FAM117B: variants seen among roughly 807,000 people sequenced by gnomAD.
FAM117B encodes family with sequence similarity 117 member B, also known as protein FAM117B.
Under a neutral mutation model 52.8 loss-of-function variants are expected in FAM117B, and 22 were observed. That is an observed-to-expected ratio of 0.42 (90% CI 0.30 to 0.59). The LOEUF (loss-of-function observed/expected upper bound fraction) is 0.59. Ranked by LOEUF, FAM117B falls within the 20% of genes least tolerant of loss-of-function variation. The pLI is 0.22. For missense variants in FAM117B, 678 were observed against 802.6 expected (o/e 0.84, Z 1.88); for synonymous variants, 309 against 324.1 (o/e 0.95, Z 0.50).
chr2:202,741,622 C>T (rs901377488), intron 4 of FAM117B, among the ~76,000 whole-genome samples: 33 of 151,552 alleles, frequency 2.2e-4, no homozygotes, highest in Admixed American at 2.6e-4. Context: ...CTGCAAGCTC[C>T]GCCTCCTGGG....
intron 1 of FAM117B, among the ~76,000 whole-genome samples, chr2:202,647,781 A>G (rs1196930637): frequency 6.6e-6 from 1 of 152,086 alleles, no homozygotes; most frequent in Non-Finnish European, 1.5e-5. Flanking sequence ...TTTCCCGTGT[A>G]TTGTTCTAGT....
chr2:202,708,637 G>T (rs1044289128), intron 2 of FAM117B, among the ~76,000 whole-genome samples: 1 of 152,114 alleles, frequency 6.6e-6, no homozygotes, highest in Non-Finnish European at 1.5e-5. Flanking sequence ...ACTGGGTCTT[G>T]TTCTGTTGCG....
At chr2:202,750,380 G>A (rs1268390336) in intron 4 of FAM117B, among the ~76,000 whole-genome samples, 5 of 152,050 alleles carry the variant, frequency 3.3e-5, no homozygotes, top group Admixed American at 1.3e-4. Flanking sequence ...AGGCATGGTG[G>A]CATGTGCCTG....
At chr2:202,645,438 C>T (rs1355512366) in intron 1 of FAM117B, among the ~76,000 whole-genome samples, 1 of 150,658 alleles carries the variant, frequency 6.6e-6, no homozygotes, top group Non-Finnish European at 1.5e-5. Flanking sequence ...TACAGGCGCC[C>T]GCCACCTCGC....
At chr2:202,646,076 G>C (rs1416504799) in intron 1 of FAM117B, among the ~76,000 whole-genome samples, 2 of 151,402 alleles carry the variant, frequency 1.3e-5, no homozygotes, top group South Asian at 2.1e-4. Flanking sequence ...GCCCAGGCTG[G>C]AGTGCAGTGG....
At chr2:202,745,941 G>A (rs1691624895) in intron 4 of FAM117B, among the ~76,000 whole-genome samples, 1 of 152,196 alleles carries the variant, frequency 6.6e-6, no homozygotes, top group African/African-American at 2.4e-5. Context: ...AGCACCAAGT[G>A]TATAATGCAA....
At chr2:202,749,688 G>C (rs1691692002) in intron 4 of FAM117B, among the ~76,000 whole-genome samples, 1 of 152,090 alleles carries the variant, frequency 6.6e-6, no homozygotes, top group Non-Finnish European at 1.5e-5. Flanking sequence ...TGTACTTTGG[G>C]AGGTCAAGGC....
At chr2:202,710,593 T>A (rs1401153365) in intron 2 of FAM117B, among the ~76,000 whole-genome samples, 2 of 152,208 alleles carry the variant, frequency 1.3e-5, no homozygotes, top group Non-Finnish European at 2.9e-5. Context: ...TACTTATTTT[T>A]AAATGTATAA....
intron 1 of FAM117B, among the ~76,000 whole-genome samples, chr2:202,636,443 T>C (rs1689687793): frequency 6.6e-6 from 1 of 152,244 alleles, no homozygotes; most frequent in Non-Finnish European, 1.5e-5. Context: ...TGATTCTGTG[T>C]TTTGAATGTA....
intron 4 of FAM117B, among the ~76,000 whole-genome samples, chr2:202,732,431 T>C (rs536535672): frequency 1.2e-3 from 189 of 152,268 alleles, no homozygotes; most frequent in African/African-American, 4.4e-3. Context: ...GATAAAAGGG[T>C]AAATAAAATG....
In FAM117B at chr2:202,647,242, T is replaced by C. The variant is rs186197057; in HGVS notation, c.601+11454T>C. 6.6e-5 allele frequency among the ~76,000 whole-genome samples: 10 copies of C among 152,240 alleles called. No homozygotes were observed. The East Asian group carries it at 1.4e-3, about 21-fold the overall frequency. On this transcript the variant is annotated intron_variant, in intron 1 of 7. Coordinates refer to ENST00000392238, the MANE Select transcript of FAM117B (RefSeq NM_173511.4). The stretch of plus-strand genomic sequence containing the variant: ...TAAAGCAAGGCAATATAAAAAAATA[T>C]AGCTTAACACAATTTTATCTGAGAG...
chr2:202,757,465 A>G, intron 6 of FAM117B, 27 bp downstream of exon 6: 1 of 1,597,666 alleles, frequency 6.3e-7, no homozygotes, highest in African/African-American at 1.3e-5. Flanking sequence ...ATGTGCTACT[A>G]GATGATAATG....
intron 1 of FAM117B, among the ~76,000 whole-genome samples, chr2:202,680,211 A>G (rs1226120081): frequency 6.6e-6 from 1 of 152,146 alleles, no homozygotes; most frequent in Non-Finnish European, 1.5e-5. Context: ...GATCTGTGTG[A>G]TAACATGGGC....
Position 202,695,928 on chromosome 2 carries a change from C to T in FAM117B, c.649C>T (p.Arg217Cys), listed in dbSNP as rs756149913. 8.1e-6 allele frequency: 13 copies of T among 1,613,446 alleles called. No homozygotes were observed. The highest frequency in any genetic ancestry group is 1.3e-5 in the African/African-American group (1 of 74,916). Reference protein sequence around the residue: ...PSSSPSSIIRRTSSLDTLAAP... With the variant: ...PSSSPSSIIRCTSSLDTLAAP... Reference sequence around the variant, plus strand: ...TTCAAGCCCCTCCAGTATTATCCGACGCACTTCCTCCCTGGATACTCTTGC... The same window carrying T: ...TTCAAGCCCCTCCAGTATTATCCGATGCACTTCCTCCCTGGATACTCTTGC... Residue 217 changes from arginine to cysteine, a missense_variant, in exon 2 of 8, where the codon CGC becomes TGC. Physicochemically the swap from Arg to Cys is radical, Grantham distance 180. Coordinates refer to ENST00000392238, the MANE Select transcript of FAM117B (RefSeq NM_173511.4).
At chr2:202,668,221 T>C (rs1434406522) in intron 1 of FAM117B, among the ~76,000 whole-genome samples, 1 of 145,242 alleles carries the variant, frequency 6.9e-6, no homozygotes, top group Non-Finnish European at 1.5e-5. Flanking sequence ...TAATATACAA[T>C]ATAATATATA....
chr2:202,744,794 C>G (rs1390682640), intron 4 of FAM117B, among the ~76,000 whole-genome samples: 1 of 151,522 alleles, frequency 6.6e-6, no homozygotes, highest in African/African-American at 2.4e-5. Flanking sequence ...GCCAACATGG[C>G]AAAACCCCAT....
chr2:202,635,596 C>A lies in FAM117B; in HGVS notation c.409C>A (p.Pro137Thr). The A allele has an allele frequency of 1.6e-6, 2 of 1,264,602 alleles. No homozygotes were observed. The highest frequency in any genetic ancestry group is 2.0e-6 in the Non-Finnish European group (2 of 1,010,760). 78.3% of individuals were successfully genotyped at this position (1,264,602 alleles called of 1,614,324 possible). A position where few individuals can be genotyped will look rare whatever the true frequency, so the allele number is the denominator to read the frequency against. ...CGCCGCGCCTGGAGCTCGCGGGAGC[C>A]CCCCACGGCCGCCGCCGCCGCCGCC... Reference protein sequence around the residue: ...RSAAPGARGSPPRPPPPPPLL... With the variant: ...RSAAPGARGSTPRPPPPPPLL... Residue 137 changes from proline (P) to threonine (T), a missense_variant, in exon 1 of 8, where the codon CCC becomes ACC. By Grantham distance (38) the Pro-to-Thr change is conservative (BLOSUM62 -1). Coordinates refer to ENST00000392238, the MANE Select transcript of FAM117B (RefSeq NM_173511.4).
intron 4 of FAM117B, among the ~76,000 whole-genome samples, chr2:202,727,375 T>C (rs1255649448): frequency 6.6e-6 from 1 of 152,228 alleles, no homozygotes; most frequent in East Asian, 1.9e-4. Flanking sequence ...TCATTTTTTA[T>C]GTATTGTCTA....
chr2:202,682,572 A>T (rs1690478426), intron 1 of FAM117B, among the ~76,000 whole-genome samples: 1 of 152,224 alleles, frequency 6.6e-6, no homozygotes, highest in African/African-American at 2.4e-5. Context: ...AGAAGGGGTC[A>T]GGGAAATATC....
Sources: gnomAD v4.1 joint callset for allele counts (sites outside exome capture counted in the v4.1 genomes callset) on GRCh38, gnomAD v4.1.1 for gene constraint, MANE v1.5 for transcripts, NCBI Gene and HGNC (gene_info 2026-07-23, HGNC 2026-07-21) for gene names.